Variants in GAP43 observed in about 807,000 individuals in gnomAD.
GAP43 encodes growth associated protein 43.
A neutral mutation model predicts 18.6 loss-of-function variants in GAP43; 6 were observed. The observed-to-expected ratio is 0.32, with a 90% CI of 0.18 to 0.64. The LOEUF (loss-of-function observed/expected upper bound fraction) is 0.64, where lower values mean the gene tolerates loss of function less well. Among genes scored for constraint, GAP43 ranks in the 30% least tolerant of loss-of-function variants. The probability of loss-of-function intolerance (pLI) is 0.78; values close to 1 mark genes in which losing one functional copy is unlikely to be tolerated. For synonymous variants in GAP43, 115 were observed against 111.4 expected (o/e 1.03, Z -0.20); for missense variants, 292 against 295.5 (o/e 0.99, Z 0.09).
intron 2 of GAP43, among the ~76,000 whole-genome samples, chr3:115,701,255 C>A (rs1709293906): frequency 1.3e-5 from 2 of 152,066 alleles, no homozygotes; most frequent in African/African-American, 2.4e-5. Context: ...TCTCTGCCAC[C>A]CCCTGAAATG....
chr3:115,715,882 A>C (rs1709496242), intron 2 of GAP43, among the ~76,000 whole-genome samples: 1 of 152,208 alleles, frequency 6.6e-6, no homozygotes, highest in Non-Finnish European at 1.5e-5. Flanking sequence ...AAAGCAACTA[A>C]AGTAAAATCT....
At chr3:115,652,303 G>GT (rs1708527554) in intron 1 of GAP43, among the ~76,000 whole-genome samples, 2 of 133,750 alleles carry the variant, frequency 1.5e-5, no homozygotes, top group African/African-American at 5.5e-5. Context: ...GGAAAGAATC[G>GT]TATTTTCTAC....
At position 115,625,523 on chromosome 3, in the gene GAP43, G is replaced by A. The variant is rs556125542; in HGVS notation, c.30+1804G>A. ...AACATTTAGGAAGGTGGAGCACTAA[G>A]TAAGCCAAAGCCATCCACTTAAAAA... On this transcript the variant is annotated intron_variant, in intron 1 of 2. Coordinates refer to ENST00000305124, the MANE Select transcript of GAP43 (RefSeq NM_002045.4). 1.3e-3 allele frequency among the ~76,000 whole-genome samples: 200 copies of A among 152,278 alleles called. 3 individuals are homozygous for A. Among genetic ancestry groups the A allele is most frequent in the Middle Eastern group, 3.4e-3 (1 of 294 alleles).
rs549051437 is a variant in GAP43 at position 115,667,189 on chromosome 3, T to TA, written c.31-8817dup. Among the ~76,000 whole-genome samples the TA allele has an allele frequency of 1.1e-3, 168 of 152,196 alleles. 1 individual carries two copies. Among genetic ancestry groups the TA allele is most frequent in the Middle Eastern group, 3.4e-3 (1 of 294 alleles). Reference sequence around the variant, plus strand: ...TTAGCCACTGAAGCTTAGAAGATTGTAAAAAAACAGATAAAGTTCTGTTCT... The same window carrying TA: ...TTAGCCACTGAAGCTTAGAAGATTGTAAAAAAAACAGATAAAGTTCTGTTCT... On this transcript the variant is annotated intron_variant, in intron 1 of 2. Transcript: ENST00000305124.
chr3:115,654,673 C>T (rs1708559199), intron 1 of GAP43, among the ~76,000 whole-genome samples: 1 of 152,142 alleles, frequency 6.6e-6, no homozygotes. Flanking sequence ...GAAAGAAACA[C>T]AGTATGTTTA....
At chr3:115,647,062 G>C (rs2107473205) in intron 1 of GAP43, among the ~76,000 whole-genome samples, 1 of 152,116 alleles carries the variant, frequency 6.6e-6, no homozygotes. Flanking sequence ...GATTACATCT[G>C]GGATTACTAT....
At chr3:115,683,141 GCGCGCGCACACACA>G (rs1465404097) in intron 2 of GAP43, among the ~76,000 whole-genome samples, 11 of 121,392 alleles carry the variant, frequency 9.1e-5, no homozygotes, top group Middle Eastern at 4.2e-3. Flanking sequence ...GCGTGCGCGC[GCGCGCGCACACACA>G]CACACACACA....
At chr3:115,641,543 C>CACACACACATAT (rs148731356) in intron 1 of GAP43, among the ~76,000 whole-genome samples, 1 of 150,242 alleles carries the variant, frequency 6.7e-6, no homozygotes, top group Admixed American at 6.6e-5. Context: ...CACACACACA[C>CACACACACATAT]GGTGCTTTCC....
intron 2 of GAP43, among the ~76,000 whole-genome samples, chr3:115,720,462 G>T (rs190783904): frequency 6.6e-6 from 1 of 152,114 alleles, no homozygotes; most frequent in African/African-American, 2.4e-5. Context: ...CAAGATTGTC[G>T]TTGATTCCCT....
At chr3:115,674,297 C>T (rs973608577) in intron 1 of GAP43, among the ~76,000 whole-genome samples, 1 of 152,170 alleles carries the variant, frequency 6.6e-6, no homozygotes, top group East Asian at 1.9e-4. Context: ...AAGTTCAATG[C>T]TCAAGTTAAA....
At chr3:115,717,797 G>A (rs73858067) in intron 2 of GAP43, among the ~76,000 whole-genome samples, 3,190 of 151,622 alleles carry the variant, frequency 0.021, 107 homozygotes, top group African/African-American at 0.073. Context: ...TTGAGAAAAT[G>A]AATATATATT....
intron 2 of GAP43, among the ~76,000 whole-genome samples, chr3:115,716,163 A>C (rs1381215814): frequency 6.6e-6 from 1 of 152,234 alleles, no homozygotes; most frequent in Non-Finnish European, 1.5e-5. Context: ...GCTGAATAGA[A>C]CAGGTAAGAA....
chr3:115,693,063 G>C (rs1444595065), intron 2 of GAP43, among the ~76,000 whole-genome samples: 1 of 152,128 alleles, frequency 6.6e-6, no homozygotes, highest in Non-Finnish European at 1.5e-5. Context: ...AGCCTCCACA[G>C]CTGGGAACAG....
At chr3:115,675,395 G>A (rs1708868234) in intron 1 of GAP43, among the ~76,000 whole-genome samples, 2 of 152,048 alleles carry the variant, frequency 1.3e-5, no homozygotes, top group Admixed American at 1.3e-4. Flanking sequence ...AGTTGTCAAA[G>A]TACTTCTAAA....
chr3:115,634,074 A>G (rs143478461), intron 1 of GAP43, among the ~76,000 whole-genome samples: 3 of 152,348 alleles, frequency 2.0e-5, no homozygotes, highest in African/African-American at 7.2e-5. Flanking sequence ...TCCAGTTCCA[A>G]TAACTATTCA....
chr3:115,719,132 G>C (rs769962582), intron 2 of GAP43, among the ~76,000 whole-genome samples: 52 of 152,200 alleles, frequency 3.4e-4, no homozygotes, highest in South Asian at 4.1e-4. Context: ...ACACAAATTT[G>C]TTAGCCTAAC....
intron 2 of GAP43, among the ~76,000 whole-genome samples, chr3:115,720,091 T>A (rs571094596): frequency 1.7e-4 from 26 of 152,316 alleles, no homozygotes; most frequent in African/African-American, 5.8e-4. Flanking sequence ...TAGTGACTTG[T>A]TTCTGAGGGA....
At chr3:115,667,593 C>T (rs1708749790) in intron 1 of GAP43, among the ~76,000 whole-genome samples, 1 of 152,170 alleles carries the variant, frequency 6.6e-6, no homozygotes, top group African/African-American at 2.4e-5. Flanking sequence ...TTGTTTTATG[C>T]TAAGTTCCCT....
intron 2 of GAP43, among the ~76,000 whole-genome samples, chr3:115,700,549 C>T (rs1474369156): frequency 6.6e-6 from 1 of 152,134 alleles, no homozygotes; most frequent in East Asian, 1.9e-4. Context: ...CCCACCTTTG[C>T]TCAACTATAT....
Sources: allele counts gnomAD v4.1 joint callset (sites outside exome capture counted in the v4.1 genomes callset), GRCh38; gene constraint gnomAD v4.1.1; transcripts MANE v1.5; gene names NCBI Gene and HGNC (gene_info 2026-07-23, HGNC 2026-07-21).